The following PHF12 variants were observed in gnomAD, a reference collection of about 807,000 sequenced individuals.
PHF12 encodes the protein PHD finger protein 12, also known as PHD factor 1.
A neutral mutation model predicts 99.8 loss-of-function variants in PHF12; 6 were observed. That is an observed-to-expected ratio of 0.06 (90% CI 0.03 to 0.12). The LOEUF (loss-of-function observed/expected upper bound fraction) is 0.12, where lower values mean the gene tolerates loss of function less well. Among genes scored for constraint, PHF12 ranks in the 10% least tolerant of loss-of-function variants. The pLI is 1.00. For synonymous variants in PHF12, 480 were observed against 514.9 expected, an observed-to-expected ratio of 0.93 and a Z score of 0.92; for missense variants, 954 against 1,300.1, an observed-to-expected ratio of 0.73 and a Z score of 4.09.
rs2040794774 is a variant in PHF12, at chr17:28,950,708, C to A, written c.66+187G>T. ...CGAGGGCGGCGGGTAGGTGAAACTG[C>A]TGCAAACGTCCTCGGAGGCTGAGCT... On this transcript the variant is annotated intron_variant, in intron 1 of 14. Coordinates refer to ENST00000332830, the MANE Select transcript of PHF12 (RefSeq NM_001033561.2). This position sits in a 1 kb window ranked among gnomAD's most constrained non-coding sequence, Gnocchi z 5.7. 3 of 827,686 alleles carry A rather than the reference C, an allele frequency of 3.6e-6. No individual in the cohort carries two copies. Among genetic ancestry groups the A allele is most frequent in the East Asian group, 6.3e-5 (2 of 31,616 alleles). 51.3% of individuals were successfully genotyped at this position (827,686 alleles called of 1,614,324 possible). A position where few individuals can be genotyped will look rare whatever the true frequency, so the allele number is the denominator to read the frequency against.
chr17:28,915,425 T>C (rs893370838), intron 7 of PHF12, among the ~76,000 whole-genome samples: 26 of 151,696 alleles, frequency 1.7e-4, no homozygotes, highest in Non-Finnish European at 3.2e-4. Flanking sequence ...TCTGGTCTTA[T>C]GGAGGAGGTT....
rs1024174823 is a variant in PHF12 at position 28,906,647 on chromosome 17, A to G, written c.2681-130T>C. 5 of 1,266,218 alleles carry G rather than the reference A, an allele frequency of 3.9e-6. No individual in the cohort carries two copies. The highest frequency in any genetic ancestry group is 2.6e-5 in the Admixed American group (1 of 37,806). The allele number at this position is 1,266,218 out of a possible 1,614,324, so 78.4% of individuals were successfully genotyped here. On this transcript the variant is annotated intron_variant, in intron 14 of 14. Coordinates refer to ENST00000332830, the MANE Select transcript of PHF12 (RefSeq NM_001033561.2). This position sits in a 1 kb window ranked among gnomAD's most constrained non-coding sequence, Gnocchi z 4.2. ...ATGACTAGGGAGGAAGGATGCTCAG[A>G]AAGGGTTGGTGGAGTCTGAAGTCCC...
chr17:28,935,418 T>G (rs1478579514), intron 2 of PHF12, among the ~76,000 whole-genome samples: 2 of 152,128 alleles, frequency 1.3e-5, no homozygotes, highest in Non-Finnish European at 2.9e-5. Context: ...ATTACAGGCA[T>G]GCACCACCAC....
rs763761745 is a variant in PHF12, at chr17:28,908,885, C to A, written c.2360-4G>T. Reference sequence around the variant, plus strand: ...GCCTGTACCTCCTTTCTTTGCACTACAAGACAAACATAGGAATAGGATCAT... The same window carrying A: ...GCCTGTACCTCCTTTCTTTGCACTAAAAGACAAACATAGGAATAGGATCAT... On this transcript the variant is annotated splice_region_variant and splice_polypyrimidine_tract_variant and intron_variant, in intron 11 of 14. Coordinates refer to ENST00000332830, the MANE Select transcript of PHF12 (RefSeq NM_001033561.2). 5.6e-6 allele frequency: 9 copies of A among 1,610,428 alleles called. No individual in the cohort carries two copies. The highest frequency in any genetic ancestry group is 7.6e-6 in the Non-Finnish European group (9 of 1,177,188).
intron 2 of PHF12, chr17:28,944,569 C>A: frequency 1.0e-6 from 1 of 953,772 alleles, no homozygotes; most frequent in Non-Finnish European, 1.2e-6. Flanking sequence ...ATCACTTGAA[C>A]CTGGAAGGCG....
chr17:28,950,030 C>T lies in PHF12; in HGVS notation c.248+35G>A, dbSNP rs749128873. The T allele has an allele frequency of 6.5e-7, 1 of 1,533,590 alleles. No individual in the cohort carries two copies. Among genetic ancestry groups the T allele is most frequent in the Non-Finnish European group, 8.8e-7 (1 of 1,134,172 alleles). 95.0% of individuals were successfully genotyped at this position (1,533,590 alleles called of 1,614,324 possible). A position where few individuals can be genotyped will look rare whatever the true frequency, so the allele number is the denominator to read the frequency against. On this transcript the variant is annotated intron_variant, in intron 2 of 14. Coordinates refer to ENST00000332830, the MANE Select transcript of PHF12 (RefSeq NM_001033561.2). This position sits in a 1 kb window ranked among gnomAD's most constrained non-coding sequence, Gnocchi z 5.7. ...GTGAAGGAATGCGCAGAGAAGGGTC[C>T]GCCAAGAAGCTCCAAAAGGGTCCCC...
intron 12 of PHF12, 120 bp from the exon 13 acceptor site, chr17:28,907,792 G>T: frequency 2.4e-6 from 2 of 816,934 alleles, no homozygotes; most frequent in Non-Finnish European, 4.1e-6. Flanking sequence ...GAGACTTCAA[G>T]GGTGAGTAGC....
intron 2 of PHF12, among the ~76,000 whole-genome samples, chr17:28,930,614 T>C (rs1365061055): frequency 6.6e-6 from 1 of 152,244 alleles, no homozygotes; most frequent in Admixed American, 6.5e-5. Flanking sequence ...CTGTACTTAC[T>C]GAACCATCCC....
intron 9 of PHF12, among the ~76,000 whole-genome samples, chr17:28,911,617 G>A (rs1270655339): frequency 6.6e-6 from 1 of 152,172 alleles, no homozygotes; most frequent in African/African-American, 2.4e-5. Context: ...ATCTACCCAC[G>A]CTGGTTTTAA....
At chr17:28,948,500 A>T (rs1211042940) in intron 2 of PHF12, among the ~76,000 whole-genome samples, 1 of 152,224 alleles carries the variant, frequency 6.6e-6, no homozygotes, top group Non-Finnish European at 1.5e-5. Context: ...CCTCTACGAT[A>T]ATCATTTTTG....
At position 28,951,066 on chromosome 17, in the gene PHF12, C is replaced by T; in HGVS notation, c.-106G>A. On this transcript the variant is annotated 5_prime_UTR_variant, in exon 1 of 15. Coordinates refer to ENST00000332830, the MANE Select transcript of PHF12 (RefSeq NM_001033561.2). ...CTCCTGACCCCGGCCCCGCTTTTTT[C>T]CCAATACGGGTCCCGACTTCCTCGC... 1 of 1,570,600 alleles carries T rather than the reference C, an allele frequency of 6.4e-7. No homozygotes were observed. The highest frequency in any genetic ancestry group is 8.6e-7 in the Non-Finnish European group (1 of 1,159,162).
At chr17:28,908,739 G>C (rs757536691) in intron 12 of PHF12, 44 bp downstream of exon 12, 1 of 1,586,828 alleles carries the variant, frequency 6.3e-7, no homozygotes, top group South Asian at 1.1e-5. Flanking sequence ...AGTCTTTAGG[G>C]CTGAACAGAT....
chr17:28,906,346 C>G lies in PHF12; in HGVS notation c.2852G>C (p.Ser951Thr). The G allele has an allele frequency of 1.9e-6, 3 of 1,614,206 alleles. No homozygotes were observed. Among genetic ancestry groups the G allele is most frequent in the Non-Finnish European group, 2.5e-6 (3 of 1,180,020 alleles). ...WEGTALLHHG[S>T]YIKLGCLQFV... Reference sequence around the variant, plus strand: ...CTGCAGGCAGCCCAGCTTGATGTAGCTGCCATGGTGCAGTAAGGCTGTGCC... The same window carrying G: ...CTGCAGGCAGCCCAGCTTGATGTAGGTGCCATGGTGCAGTAAGGCTGTGCC... Residue 951 changes from serine (S) to threonine (T), a missense_variant, in exon 15 of 15, where the codon AGC becomes ACC. Coordinates refer to ENST00000332830, the MANE Select transcript of PHF12 (RefSeq NM_001033561.2). This position sits in a 1 kb window ranked among gnomAD's most constrained non-coding sequence, Gnocchi z 4.2.
chr17:28,924,309 A>G lies in PHF12; in HGVS notation c.322-7T>C. The G allele has an allele frequency of 6.2e-7, 1 of 1,614,214 alleles. No individual in the cohort carries two copies. The highest frequency in any genetic ancestry group is 8.5e-7 in the Non-Finnish European group (1 of 1,180,034). The stretch of plus-strand genomic sequence containing the variant: ...CCTTTTTCTGCTCTCGTTTCTGTGC[A>G]AATGAACAGGTGGGCCCATCATGAA... On this transcript the variant is annotated splice_region_variant and splice_polypyrimidine_tract_variant and intron_variant, in intron 3 of 14. Transcript: ENST00000332830.
chr17:28,942,882 AC>A (rs1238664121), intron 2 of PHF12, among the ~76,000 whole-genome samples: 1 of 152,086 alleles, frequency 6.6e-6, no homozygotes. Flanking sequence ...TGTAAAGACA[AC>A]CCACAAAATG....
At position 28,923,920 on chromosome 17, in the gene PHF12, G is replaced by C; in HGVS notation, c.704C>G (p.Thr235Ser). The C allele has an allele frequency of 6.2e-7, 1 of 1,609,576 alleles. No homozygotes were observed. Residue 235 changes from threonine (T) to serine (S), a missense_variant, in exon 4 of 15, where the codon ACT becomes AGT. Transcript: ENST00000332830. Reference sequence around the variant, plus strand: ...ATGGTTTGGCTGACCTGGTAGTGCAGTGGTACAAGTCAGTTCATTGGGCAA... The same window carrying C: ...ATGGTTTGGCTGACCTGGTAGTGCACTGGTACAAGTCAGTTCATTGGGCAA... ...FQLPNELTCT[T>S]ALPGSSKRRR...
rs142151281 is a variant in PHF12 at position 28,914,053 on chromosome 17, A to G, written c.1135-16T>C. ...CATCAGGAACCTGTTCAGGATAGATAGAAGGAGGAAGGAGAGGGAGATAGT... is the reference window on the plus strand; with the variant it reads ...CATCAGGAACCTGTTCAGGATAGATGGAAGGAGGAAGGAGAGGGAGATAGT... On this transcript the variant is annotated splice_polypyrimidine_tract_variant and intron_variant, in intron 7 of 14. Coordinates refer to ENST00000332830, the MANE Select transcript of PHF12 (RefSeq NM_001033561.2). 1.9e-4 allele frequency: 298 copies of G among 1,586,694 alleles called. 3 individuals are homozygous for G. The South Asian group carries it at 2.6e-3, about 14-fold the overall frequency.
chr17:28,907,784 G>A, intron 12 of PHF12, 112 bp from the exon 13 acceptor site: 4 of 894,778 alleles, frequency 4.5e-6, no homozygotes, highest in Non-Finnish European at 7.2e-6. Context: ...CACTAGCAGA[G>A]ACTTCAAGGG....
intron 2 of PHF12, among the ~76,000 whole-genome samples, chr17:28,938,112 C>T (rs932385773): frequency 6.6e-6 from 1 of 152,212 alleles, no homozygotes; most frequent in Non-Finnish European, 1.5e-5. Context: ...CTTGCAGACA[C>T]AGCTCAGGAA....
Sources: allele counts gnomAD v4.1 joint callset (sites outside exome capture counted in the v4.1 genomes callset), GRCh38; gene constraint gnomAD v4.1.1; non-coding constraint Gnocchi (gnomAD v3.1); transcripts MANE v1.5; gene names NCBI Gene and HGNC (gene_info 2026-07-23, HGNC 2026-07-21).